Variants in CDH23 observed in about 807,000 individuals in gnomAD.
CDH23 encodes cadherin-23.
CDH23 carries 189 observed loss-of-function variants against 317.1 expected under a neutral mutation model. The observed-to-expected ratio is 0.60, with a 90% CI of 0.53 to 0.67. CDH23 has a LOEUF of 0.67. Ranked by LOEUF, CDH23 falls within the 30% of genes least tolerant of loss-of-function variation. CDH23 has a pLI of 0.00. For synonymous variants in CDH23, 1,839 were observed against 1,876.8 expected (o/e 0.98, Z 0.52); for missense variants, 4,401 against 4,592.4 (o/e 0.96, Z 1.20).
chr10:71,643,076 G>T (rs1357284221), intron 11 of CDH23, among the ~76,000 whole-genome samples: 3 of 152,358 alleles, frequency 2.0e-5, no homozygotes, highest in Non-Finnish European at 4.4e-5. Context: ...GTGCTAGGTT[G>T]TTAGTGTCCT....
rs1840255897 is a variant in CDH23 at position 71,759,836 on chromosome 10, C to CACATATATATACACACACACATATATAT, written c.4846-17841_4846-17840insTATATATACACACACACATATATATACA. Among the ~76,000 whole-genome samples the CACATATATATACACACACACATATATAT allele has an allele frequency of 4.1e-4, 29 of 71,420 alleles. 3 individuals carry two copies. The highest frequency in any genetic ancestry group is 8.6e-4 in the Non-Finnish European group (23 of 26,808). 46.9% of individuals were successfully genotyped at this position (71,420 alleles called of 152,430 possible). On this transcript the variant is annotated intron_variant, in intron 38 of 69. Transcript: ENST00000224721. Reference sequence around the variant, plus strand: ...CAGAAAATATACACACACACACACACACACACACACATATACACACACACA... The same window carrying CACATATATATACACACACACATATATAT: ...CAGAAAATATACACACACACACACACACATATATATACACACACACATATATATACACACACACATATACACACACACA...
At chr10:71,409,603 C>T (rs73281844) in intron 1 of CDH23, among the ~76,000 whole-genome samples, 1,727 of 152,094 alleles carry the variant, frequency 0.011, 30 homozygotes, top group African/African-American at 0.039. Context: ...AGAGGGCACC[C>T]GGGCAGTGCT....
chr10:71,716,027 C>A, intron 28 of CDH23: 1 of 1,502,338 alleles, frequency 6.7e-7, no homozygotes. Flanking sequence ...CCGGCCATGG[C>A]GGAAGCTGTG....
At chr10:71,723,448 C>T (rs909718600) in intron 28 of CDH23, among the ~76,000 whole-genome samples, 6 of 152,186 alleles carry the variant, frequency 3.9e-5, no homozygotes, top group South Asian at 4.1e-4. Flanking sequence ...CACATAAACA[C>T]ATAAGCCTGA....
chr10:71,618,222 G>A (rs182128299), intron 11 of CDH23, among the ~76,000 whole-genome samples: 11 of 152,228 alleles, frequency 7.2e-5, no homozygotes, highest in Non-Finnish European at 1.2e-4. Context: ...GAAGACCCCT[G>A]CATCACCAGG....
chr10:71,567,119 T>C (rs1486729122), intron 7 of CDH23, among the ~76,000 whole-genome samples, 183 bp downstream of exon 7: 1 of 152,196 alleles, frequency 6.6e-6, no homozygotes, highest in Non-Finnish European at 1.5e-5. Flanking sequence ...GCTGTGTCCC[T>C]GGCACCGTGC....
intron 53 of CDH23, among the ~76,000 whole-genome samples, chr10:71,801,315 C>T (rs1274861340): frequency 2.0e-5 from 3 of 151,904 alleles, no homozygotes; most frequent in South Asian, 2.1e-4. Context: ...CTACCACACC[C>T]GGCTAATTTT....
chr10:71,476,504 C>A (rs1452273975), intron 3 of CDH23, among the ~76,000 whole-genome samples: 2 of 152,138 alleles, frequency 1.3e-5, no homozygotes, highest in East Asian at 3.9e-4. Context: ...CCTGAGGATT[C>A]TCTGGAAAGA....
intron 40 of CDH23, 65 bp from the exon 41 acceptor site, chr10:71,779,202 G>A (rs1180967436): frequency 2.4e-5 from 35 of 1,481,898 alleles, no homozygotes; most frequent in Non-Finnish European, 3.2e-5. Flanking sequence ...CACAGAGGAA[G>A]GAACTGAGGC....
intron 6 of CDH23, among the ~76,000 whole-genome samples, chr10:71,532,948 T>C (rs1203816415): frequency 6.6e-6 from 1 of 152,122 alleles, no homozygotes; most frequent in African/African-American, 2.4e-5. Context: ...GCCAGGCTGG[T>C]CTGGAACTCC....
chr10:71,438,772 T>C (rs1849738313), intron 1 of CDH23, among the ~76,000 whole-genome samples: 1 of 152,104 alleles, frequency 6.6e-6, no homozygotes, highest in Admixed American at 6.5e-5. Flanking sequence ...TAGTTGGAGG[T>C]CTCTGAACAA....
At chr10:71,780,986 G>A (rs188047376) in intron 41 of CDH23, among the ~76,000 whole-genome samples, 145 of 152,324 alleles carry the variant, frequency 9.5e-4, no homozygotes, top group African/African-American at 3.0e-3. Context: ...AGATGATGGC[G>A]TTGCCATTGA....
chr10:71,813,017 G>A, intron 68 of CDH23, 127 bp downstream of exon 68: 2 of 1,435,752 alleles, frequency 1.4e-6, no homozygotes, highest in Non-Finnish European at 1.9e-6. Context: ...GAGAACACCA[G>A]GGCTGATGGG....
At chr10:71,801,346 G>T (rs964896252) in intron 53 of CDH23, among the ~76,000 whole-genome samples, 2 of 151,910 alleles carry the variant, frequency 1.3e-5, no homozygotes, top group East Asian at 1.9e-4. Context: ...TAGAGACGGG[G>T]TTTCTCCATG....
At chr10:71,461,628 G>T (rs375306089) in intron 3 of CDH23, among the ~76,000 whole-genome samples, 1 of 152,174 alleles carries the variant, frequency 6.6e-6, no homozygotes, top group African/African-American at 2.4e-5. Flanking sequence ...CTCCATGCAC[G>T]GTCCATCACC....
intron 38 of CDH23, 121 bp downstream of exon 38, chr10:71,742,042 CT>C: frequency 1.2e-6 from 1 of 830,062 alleles, no homozygotes; most frequent in Non-Finnish European, 1.9e-6. Flanking sequence ...TTGACAACTC[CT>C]TTAGTCCATC....
At position 71,768,082 on chromosome 10, in the gene CDH23, G is replaced by C. The variant is rs79577239; in HGVS notation, c.4846-9598G>C. ...CTTCTATGCTGTGAAGACGTCCTCA[G>C]GGTCCAGCTCAAGTCTTTTTGCCCC... On this transcript the variant is annotated intron_variant, in intron 38 of 69. Coordinates refer to ENST00000224721, the MANE Select transcript of CDH23 (RefSeq NM_022124.6). Among the ~76,000 whole-genome samples, 1,288 of 152,330 alleles carry C rather than the reference G, an allele frequency of 8.5e-3. 7 individuals are homozygous for C. The highest frequency in any genetic ancestry group is 0.013 in the Non-Finnish European group (901 of 68,024).
intron 3 of CDH23, among the ~76,000 whole-genome samples, chr10:71,465,665 A>G (rs1294898281): frequency 6.6e-6 from 1 of 152,212 alleles, no homozygotes; most frequent in East Asian, 1.9e-4. Flanking sequence ...CAGTCCAGGA[A>G]TGAAATAACT....
At chr10:71,502,137 G>T (rs564018459) in intron 3 of CDH23, among the ~76,000 whole-genome samples, 8 of 152,330 alleles carry the variant, frequency 5.3e-5, no homozygotes, top group Non-Finnish European at 1.0e-4. Context: ...CCCTGCTTCT[G>T]AGCTAGCCTG....
Sources: gnomAD v4.1 joint callset for allele counts (sites outside exome capture counted in the v4.1 genomes callset) on GRCh38, gnomAD v4.1.1 for gene constraint, MANE v1.5 for transcripts, NCBI Gene and HGNC (gene_info 2026-07-23, HGNC 2026-07-21) for gene names.